Variants in NRXN3 observed in about 807,000 individuals in gnomAD.
NRXN3 encodes neurexin III.
In NRXN3, 32 loss-of-function variants were observed where a neutral mutation model predicts 137.6. The observed-to-expected ratio is 0.23, with a 90% CI of 0.18 to 0.31. The LOEUF (loss-of-function observed/expected upper bound fraction) is 0.31, where lower values mean the gene tolerates loss of function less well. NRXN3 is among the 10% of genes least tolerant of loss of function. The pLI, the probability that NRXN3 is intolerant of heterozygous loss-of-function variation, is 1.00. For missense variants in NRXN3, 1,574 were observed against 2,062.5 expected (o/e 0.76, Z 4.59); for synonymous variants, 798 against 784.5 (o/e 1.02, Z -0.29).
chr14:78,431,021 TTTTC>T (rs1336833737), intron 4 of NRXN3, among the ~76,000 whole-genome samples: 2 of 152,152 alleles, frequency 1.3e-5, no homozygotes, highest in African/African-American at 4.8e-5. Context: ...CTTAAAAAAT[TTTTC>T]TATTTTTTAA....
intron 15 of NRXN3, among the ~76,000 whole-genome samples, chr14:79,391,412 T>G (rs2094841496): frequency 6.6e-6 from 1 of 152,226 alleles, no homozygotes. Context: ...CTTTTTGGCT[T>G]CCACTTTTCT....
chr14:78,623,814 C>T (rs561768988), intron 4 of NRXN3, among the ~76,000 whole-genome samples: 126 of 152,272 alleles, frequency 8.3e-4, no homozygotes, highest in African/African-American at 2.8e-3. Context: ...GTGATCCGCC[C>T]ACCTTGGCCT....
intron 15 of NRXN3, among the ~76,000 whole-genome samples, chr14:79,009,462 C>G (rs1464004291): frequency 6.6e-6 from 1 of 152,292 alleles, no homozygotes; most frequent in African/African-American, 2.4e-5. Flanking sequence ...GAACTCCTTA[C>G]TTCTATGCAT....
chr14:78,892,954 G>T (rs1216855227), intron 10 of NRXN3, among the ~76,000 whole-genome samples: 1 of 151,908 alleles, frequency 6.6e-6, no homozygotes, highest in African/African-American at 2.4e-5. Flanking sequence ...GTGCTCTGAA[G>T]TGGTGCAGGT....
chr14:79,602,844 C>T (rs1218576397), intron 16 of NRXN3, among the ~76,000 whole-genome samples: 2 of 151,806 alleles, frequency 1.3e-5, no homozygotes, highest in African/African-American at 4.8e-5. Context: ...CCAAATCTAA[C>T]TTGTAACCAT....
intron 3 of NRXN3, among the ~76,000 whole-genome samples, chr14:78,284,847 G>A (rs2074946103): frequency 1.3e-5 from 2 of 152,062 alleles, no homozygotes; most frequent in African/African-American, 4.8e-5. Flanking sequence ...CCAGTAAAAA[G>A]GGGCAAAGGA....
chr14:79,575,039 T>C (rs548696593), intron 16 of NRXN3, among the ~76,000 whole-genome samples: 165 of 152,268 alleles, frequency 1.1e-3, no homozygotes, highest in Non-Finnish European at 1.8e-3. Context: ...TGCCTTCTAA[T>C]AAAAATTTGA....
chr14:79,154,432 A>C (rs2153042507), intron 15 of NRXN3, among the ~76,000 whole-genome samples: 1 of 152,056 alleles, frequency 6.6e-6, no homozygotes, highest in South Asian at 2.1e-4. Flanking sequence ...CTTCCCCCAC[A>C]AACATGTACT....
chr14:79,373,386 C>T (rs2094168176), intron 15 of NRXN3, among the ~76,000 whole-genome samples: 1 of 152,060 alleles, frequency 6.6e-6, no homozygotes, highest in East Asian at 1.9e-4. Context: ...GTTATAGCTG[C>T]TGAACAATAT....
At chr14:79,828,399 C>T (rs2099311873) in intron 20 of NRXN3, among the ~76,000 whole-genome samples, 2 of 151,840 alleles carry the variant, frequency 1.3e-5, no homozygotes, top group African/African-American at 4.8e-5. Context: ...GTGGGCGGAT[C>T]ACCTGAGGTC....
chr14:78,292,434 G>A (rs72687504), intron 3 of NRXN3, among the ~76,000 whole-genome samples: 4,811 of 152,136 alleles, frequency 0.032, 125 homozygotes, highest in African/African-American at 0.068. Context: ...GAACCTGTGC[G>A]CCACAGATAG....
At chr14:79,848,539 G>A (rs1028769299) in intron 20 of NRXN3, among the ~76,000 whole-genome samples, 5 of 152,070 alleles carry the variant, frequency 3.3e-5, no homozygotes, top group African/African-American at 7.2e-5. Flanking sequence ...GCCCAGGGAA[G>A]CCAAAAGATT....
At chr14:78,765,798 T>A (rs967385223) in intron 8 of NRXN3, among the ~76,000 whole-genome samples, 14 of 152,128 alleles carry the variant, frequency 9.2e-5, no homozygotes, top group Admixed American at 2.0e-4. Flanking sequence ...CCTTCCCCCA[T>A]CCATTATTTC....
At chr14:78,511,013 A>G (rs1237479909) in intron 4 of NRXN3, among the ~76,000 whole-genome samples, 1 of 152,212 alleles carries the variant, frequency 6.6e-6, no homozygotes, top group Non-Finnish European at 1.5e-5. Flanking sequence ...TGAATAGAGT[A>G]GTAAAGCATA....
chr14:79,143,017 C>T (rs190253871), intron 15 of NRXN3, among the ~76,000 whole-genome samples: 2 of 152,194 alleles, frequency 1.3e-5, no homozygotes, highest in Admixed American at 1.3e-4. Flanking sequence ...ATTTATTTGC[C>T]ATCTTGTTTT....
chr14:78,448,017 C>G (rs2094461227), intron 4 of NRXN3, among the ~76,000 whole-genome samples: 1 of 152,114 alleles, frequency 6.6e-6, no homozygotes, highest in Non-Finnish European at 1.5e-5. Flanking sequence ...GTGTTCTATT[C>G]TTTTTACTGG....
At chr14:79,815,828 C>T (rs72698415) in intron 20 of NRXN3, among the ~76,000 whole-genome samples, 5,267 of 152,130 alleles carry the variant, frequency 0.035, 142 homozygotes, top group Middle Eastern at 0.071. Flanking sequence ...TTTCATCATA[C>T]GTACACTATA....
At chr14:79,784,944 A>G (rs915865997) in intron 19 of NRXN3, among the ~76,000 whole-genome samples, 1 of 152,180 alleles carries the variant, frequency 6.6e-6, no homozygotes, top group Non-Finnish European at 1.5e-5. Flanking sequence ...TTCAGTTGCA[A>G]GACAGAAAAA....
At chr14:79,098,311 T>C (rs1052921328) in intron 15 of NRXN3, among the ~76,000 whole-genome samples, 2 of 152,228 alleles carry the variant, frequency 1.3e-5, no homozygotes, top group African/African-American at 2.4e-5. Flanking sequence ...CTTAAAAATA[T>C]ATGTTTTATT....
Sources: allele counts gnomAD v4.1 joint callset (sites outside exome capture counted in the v4.1 genomes callset), GRCh38; gene constraint gnomAD v4.1.1; transcripts MANE v1.5; gene names NCBI Gene and HGNC (gene_info 2026-07-23, HGNC 2026-07-21).